Variants in GALNT7 observed in about 807,000 individuals in gnomAD.
GALNT7 encodes the protein N-acetylgalactosaminyltransferase 7.
GALNT7 carries 60 observed loss-of-function variants against 82.1 expected under a neutral mutation model. The ratio of observed to expected loss-of-function variants is 0.73; its 90% confidence interval spans 0.59 to 0.91. The LOEUF (loss-of-function observed/expected upper bound fraction) is 0.91. Among genes scored for constraint, GALNT7 ranks in the 40% least tolerant of loss-of-function variants. GALNT7 has a pLI of 0.00. For synonymous variants in GALNT7, 243 were observed against 275.1 expected, an observed-to-expected ratio of 0.88 and a Z score of 1.15; for missense variants, 660 against 804.2, an observed-to-expected ratio of 0.82 and a Z score of 2.17.
At chr4:173,239,205 G>A (rs971213976) in intron 1 of GALNT7, among the ~76,000 whole-genome samples, 1 of 152,182 alleles carries the variant, frequency 6.6e-6, no homozygotes, top group Admixed American at 6.5e-5. Flanking sequence ...TCAAATTTTA[G>A]ATTTGTAGGG....
At chr4:173,284,840 C>A (rs996004144) in intron 2 of GALNT7, among the ~76,000 whole-genome samples, 16 of 152,048 alleles carry the variant, frequency 1.1e-4, no homozygotes, top group Non-Finnish European at 1.8e-4. Flanking sequence ...TTTAATGAAG[C>A]CTTATAGACA....
At chr4:173,230,348 A>G (rs985401475) in intron 1 of GALNT7, among the ~76,000 whole-genome samples, 11 of 152,182 alleles carry the variant, frequency 7.2e-5, no homozygotes, top group Non-Finnish European at 1.5e-5. Context: ...AACTACTGCT[A>G]TGTTTCCTTC....
chr4:173,232,436 CTT>C (rs962501592), intron 1 of GALNT7, among the ~76,000 whole-genome samples: 5 of 144,080 alleles, frequency 3.5e-5, no homozygotes, highest in African/African-American at 7.6e-5. Context: ...TTACCTTGAA[CTT>C]TTTTTTTTTT....
chr4:173,217,743 G>A (rs79240522), intron 1 of GALNT7, among the ~76,000 whole-genome samples: 398 of 152,276 alleles, frequency 2.6e-3, no homozygotes, highest in African/African-American at 8.9e-3. Flanking sequence ...AAGACACACA[G>A]TGAAGATGAA....
At chr4:173,295,960 T>G in intron 5 of GALNT7, 117 bp downstream of exon 5, 1 of 702,704 alleles carries the variant, frequency 1.4e-6, no homozygotes, top group East Asian at 2.6e-5. Flanking sequence ...TGTGCTTTAG[T>G]GTTATCCCTC....
At chr4:173,215,570 G>C (rs565678551) in intron 1 of GALNT7, among the ~76,000 whole-genome samples, 1 of 152,042 alleles carries the variant, frequency 6.6e-6, no homozygotes, top group Non-Finnish European at 1.5e-5. Flanking sequence ...TGGGGAACCC[G>C]ACTGGGGATC....
At chr4:173,193,378 A>C (rs1047357118) in intron 1 of GALNT7, among the ~76,000 whole-genome samples, 4 of 152,218 alleles carry the variant, frequency 2.6e-5, no homozygotes, top group African/African-American at 9.7e-5. Flanking sequence ...TGGAAAATTC[A>C]CATGGAAGCC....
intron 2 of GALNT7, among the ~76,000 whole-genome samples, chr4:173,250,183 T>C (rs1290451551): frequency 6.6e-6 from 1 of 152,084 alleles, no homozygotes; most frequent in Non-Finnish European, 1.5e-5. Context: ...GAAAGCCCCT[T>C]TGTCTCCATC....
At chr4:173,180,421 A>G (rs958762401) in intron 1 of GALNT7, among the ~76,000 whole-genome samples, 4 of 142,000 alleles carry the variant, frequency 2.8e-5, no homozygotes, top group African/African-American at 1.1e-4. Flanking sequence ...TCTGCTTCCC[A>G]GGTTCAAGCA....
intron 1 of GALNT7, among the ~76,000 whole-genome samples, chr4:173,199,763 G>C (rs576889848): frequency 1.3e-5 from 2 of 152,178 alleles, no homozygotes; most frequent in Non-Finnish European, 1.5e-5. Flanking sequence ...GGCGGCGGGT[G>C]GTGGGTGGTG....
intron 9 of GALNT7, among the ~76,000 whole-genome samples, chr4:173,314,507 T>C (rs577261936): frequency 6.6e-6 from 1 of 152,292 alleles, no homozygotes; most frequent in East Asian, 1.9e-4. Context: ...AGATCACCAA[T>C]ACTGAAAAGC....
At chr4:173,191,143 T>G (rs1354979899) in intron 1 of GALNT7, among the ~76,000 whole-genome samples, 2 of 150,524 alleles carry the variant, frequency 1.3e-5, no homozygotes, top group East Asian at 3.9e-4. Context: ...GCTAAGGCAA[T>G]AAAAGGAAGA....
At chr4:173,205,893 T>C (rs1340012912) in intron 1 of GALNT7, among the ~76,000 whole-genome samples, 2 of 151,734 alleles carry the variant, frequency 1.3e-5, no homozygotes, top group Non-Finnish European at 1.5e-5. Context: ...AATGGGGCTG[T>C]TGGGGTTGGC....
intron 2 of GALNT7, among the ~76,000 whole-genome samples, chr4:173,276,621 CA>C (rs1735922453): frequency 6.6e-6 from 1 of 152,132 alleles, no homozygotes; most frequent in Non-Finnish European, 1.5e-5. Context: ...ACTAGCTATC[CA>C]TCAGAGAGGG....
intron 1 of GALNT7, among the ~76,000 whole-genome samples, chr4:173,226,725 T>C (rs185389272): frequency 1.1e-4 from 16 of 152,290 alleles, no homozygotes; most frequent in Admixed American, 5.2e-4. Context: ...GTCCACCTCC[T>C]CCTGCCTCTG....
intron 1 of GALNT7, among the ~76,000 whole-genome samples, chr4:173,170,453 G>C (rs1243847456): frequency 1.3e-5 from 2 of 152,204 alleles, no homozygotes; most frequent in Non-Finnish European, 2.9e-5. Context: ...TATATCATGA[G>C]ATTAGATGTA....
intron 11 of GALNT7, among the ~76,000 whole-genome samples, chr4:173,318,906 T>C (rs1217484782): frequency 6.6e-6 from 1 of 152,064 alleles, no homozygotes; most frequent in African/African-American, 2.4e-5. Flanking sequence ...GAATCATTCA[T>C]TAAAGTAAAA....
intron 2 of GALNT7, among the ~76,000 whole-genome samples, chr4:173,250,620 C>T (rs577526767): frequency 6.6e-6 from 1 of 152,302 alleles, no homozygotes; most frequent in South Asian, 2.1e-4. Flanking sequence ...TCCATTTCTA[C>T]TCTTGCCTCT....
In GALNT7 at chr4:173,269,449, G is replaced by T. The variant is rs373792383; in HGVS notation, c.587+21009G>T. ...CAAGGTGTACCCAACAGAAGCTGCT[G>T]CAGTTAGTGACATGAGCTATGGAAC... On this transcript the variant is annotated intron_variant, in intron 2 of 11. Transcript: ENST00000265000. Among the ~76,000 whole-genome samples, 9 of 152,148 alleles carry T rather than the reference G, an allele frequency of 5.9e-5. No individual in the cohort carries two copies. The East Asian group carries it at 1.2e-3, about 20-fold the overall frequency.
Sources: allele counts gnomAD v4.1 joint callset (sites outside exome capture counted in the v4.1 genomes callset), GRCh38; gene constraint gnomAD v4.1.1; transcripts MANE v1.5; gene names NCBI Gene and HGNC (gene_info 2026-07-23, HGNC 2026-07-21).